The following FOCAD variants were observed in gnomAD, a reference collection of about 807,000 sequenced individuals.
The protein encoded by FOCAD is focadhesin.
Under a neutral mutation model 225.6 loss-of-function variants are expected in FOCAD, and 198 were observed. The observed-to-expected ratio is 0.88, with a 90% CI of 0.78 to 0.99. The LOEUF is 0.99. Among genes scored for constraint, FOCAD ranks in the 50% least tolerant of loss-of-function variants. FOCAD has a pLI of 0.00. For missense variants in FOCAD, 2,713 were observed against 2,123.6 expected, an observed-to-expected ratio of 1.28 and a Z score of -5.46; for synonymous variants, 897 against 755.0, an observed-to-expected ratio of 1.19 and a Z score of -3.08.
intron 5 of FOCAD, among the ~76,000 whole-genome samples, chr9:20,754,018 G>T (rs756068956): frequency 6.6e-6 from 1 of 152,064 alleles, no homozygotes; most frequent in Non-Finnish European, 1.5e-5. Context: ...GTGTTTTGGC[G>T]TTCTTTGTAC....
At chr9:20,975,025 C>T (rs575339378) in intron 35 of FOCAD, among the ~76,000 whole-genome samples, 1 of 152,088 alleles carries the variant, frequency 6.6e-6, no homozygotes, top group African/African-American at 2.4e-5. Context: ...GATTCAGGTG[C>T]TTTTTTGCTG....
intron 10 of FOCAD, chr9:20,786,895 A>T: frequency 3.5e-6 from 1 of 284,672 alleles, no homozygotes; most frequent in Non-Finnish European, 7.1e-6. Context: ...TTATTTTTAA[A>T]CACCTACTTC....
At chr9:20,937,261 A>G (rs202055354) in intron 28 of FOCAD, among the ~76,000 whole-genome samples, 14 of 150,234 alleles carry the variant, frequency 9.3e-5, no homozygotes, top group African/African-American at 1.7e-4. Flanking sequence ...AAAAGAGCCC[A>G]CATTGCCAAG....
intron 2 of FOCAD, among the ~76,000 whole-genome samples, chr9:20,670,208 G>C (rs1822018587): frequency 6.6e-6 from 1 of 152,014 alleles, no homozygotes; most frequent in Admixed American, 6.6e-5. Context: ...GTAATGAATG[G>C]GTAGATTAAA....
intron 36 of FOCAD, among the ~76,000 whole-genome samples, chr9:20,977,316 A>G (rs1840308656): frequency 6.6e-6 from 1 of 152,200 alleles, no homozygotes; most frequent in African/African-American, 2.4e-5. Flanking sequence ...TCTTTGTCAT[A>G]TAAGGTAGTG....
At chr9:20,886,801 G>A (rs1831140115) in intron 21 of FOCAD, among the ~76,000 whole-genome samples, 1 of 152,192 alleles carries the variant, frequency 6.6e-6, no homozygotes, top group Non-Finnish European at 1.5e-5. Context: ...GGGGACCCAT[G>A]AAGTTTCTCA....
chr9:20,685,314 G>C (rs1181953410), intron 1 of FOCAD, among the ~76,000 whole-genome samples: 1 of 151,902 alleles, frequency 6.6e-6, no homozygotes, highest in African/African-American at 2.4e-5. Flanking sequence ...CTATCTGTAA[G>C]AAGAGGAATG....
At chr9:20,950,550 T>C (rs988838875) in intron 33 of FOCAD, among the ~76,000 whole-genome samples, 2 of 152,194 alleles carry the variant, frequency 1.3e-5, no homozygotes, top group African/African-American at 4.8e-5. Context: ...AAAATTATTA[T>C]TTTAAAAATC....
chr9:20,924,321 A>G (rs1026546974), intron 25 of FOCAD, among the ~76,000 whole-genome samples: 3 of 152,218 alleles, frequency 2.0e-5, no homozygotes, highest in Non-Finnish European at 2.9e-5. Context: ...GGTAGCTGTC[A>G]TCATCTAGAG....
intron 41 of FOCAD, 134 bp from the exon 42 acceptor site, chr9:20,989,989 G>T (rs1022233946): frequency 4.5e-6 from 4 of 896,718 alleles, no homozygotes; most frequent in African/African-American, 3.3e-5. Context: ...CTTCTGGGTG[G>T]GGGTAGGGCA....
intron 21 of FOCAD, among the ~76,000 whole-genome samples, chr9:20,895,495 A>G (rs892078658): frequency 1.3e-4 from 20 of 151,808 alleles, no homozygotes; most frequent in Non-Finnish European, 4.4e-5. Context: ...GATTTCTTTC[A>G]TTAGAATTTT....
chr9:20,711,188 A>G (rs2131475912), intron 1 of FOCAD, among the ~76,000 whole-genome samples: 1 of 152,346 alleles, frequency 6.6e-6, no homozygotes, highest in Middle Eastern at 3.4e-3. Flanking sequence ...AAAGGAGTTT[A>G]ATATTTAAGC....
intron 5 of FOCAD, among the ~76,000 whole-genome samples, chr9:20,755,343 G>T (rs563685761): frequency 1.3e-5 from 2 of 152,164 alleles, no homozygotes; most frequent in Non-Finnish European, 2.9e-5. Flanking sequence ...CCAATAGCTA[G>T]CAAAACAGGC....
At chr9:20,759,000 G>A (rs1829321699) in intron 6 of FOCAD, among the ~76,000 whole-genome samples, 1 of 152,046 alleles carries the variant, frequency 6.6e-6, no homozygotes, top group South Asian at 2.1e-4. Context: ...CAAATCATGA[G>A]TGAACTCCCA....
chr9:20,863,998 G>C (rs1364668514), intron 16 of FOCAD, among the ~76,000 whole-genome samples: 2 of 151,682 alleles, frequency 1.3e-5, no homozygotes, highest in African/African-American at 4.8e-5. Flanking sequence ...TTATACTAGG[G>C]TTCCTCTGTT....
intron 9 of FOCAD, among the ~76,000 whole-genome samples, chr9:20,780,961 G>A (rs1384360963): frequency 3.3e-5 from 5 of 152,164 alleles, no homozygotes; most frequent in Admixed American, 3.3e-4. Context: ...TTCAAGGCTT[G>A]TAGAATTTTT....
intron 1 of FOCAD, among the ~76,000 whole-genome samples, chr9:20,713,137 C>T (rs1825008444): frequency 6.6e-6 from 1 of 152,176 alleles, no homozygotes; most frequent in African/African-American, 2.4e-5. Context: ...CTATTGAAAT[C>T]CTACTGCCTC....
chr9:20,779,044 C>A (rs2131082421), intron 9 of FOCAD, among the ~76,000 whole-genome samples: 1 of 152,170 alleles, frequency 6.6e-6, no homozygotes, highest in East Asian at 1.9e-4. Flanking sequence ...TGGCATAGCA[C>A]CTTATTCAAC....
chr9:20,940,061 T>G (rs769106162), intron 28 of FOCAD, among the ~76,000 whole-genome samples: 4 of 152,102 alleles, frequency 2.6e-5, no homozygotes, highest in South Asian at 4.1e-4. Flanking sequence ...TTTGGTTTTC[T>G]ATCCTTTTTA....
Sources: gnomAD v4.1 joint callset for allele counts (sites outside exome capture counted in the v4.1 genomes callset) on GRCh38, gnomAD v4.1.1 for gene constraint, MANE v1.5 for transcripts, NCBI Gene and HGNC (gene_info 2026-07-23, HGNC 2026-07-21) for gene names.